Variants in FMN2 observed in about 807,000 individuals in gnomAD.
FMN2 encodes formin 2.
A neutral mutation model predicts 142.3 loss-of-function variants in FMN2; 51 were observed. The observed-to-expected ratio is 0.36, with a 90% confidence interval of 0.29 to 0.45. The LOEUF (loss-of-function observed/expected upper bound fraction) is 0.45, where lower values mean the gene tolerates loss of function less well. Among genes scored for constraint, FMN2 ranks in the 20% least tolerant of loss-of-function variants. FMN2 has a pLI of 1.00. For missense variants in FMN2, 1,936 were observed against 2,122.8 expected, an observed-to-expected ratio of 0.91 and a Z score of 1.73; for synonymous variants, 882 against 869.8, an observed-to-expected ratio of 1.01 and a Z score of -0.25.
chr1:240,245,430 G>A (rs1668043678), intron 6 of FMN2: 2 of 450,586 alleles, frequency 4.4e-6, no homozygotes, highest in African/African-American at 4.0e-5. Flanking sequence ...GGAAGCATCA[G>A]TGGAACTTGA....
At chr1:240,348,294 T>C (rs1159353811) in intron 13 of FMN2, among the ~76,000 whole-genome samples, 1 of 151,620 alleles carries the variant, frequency 6.6e-6, no homozygotes, top group Non-Finnish European at 1.5e-5. Flanking sequence ...TGGTCTCGGC[T>C]CACTGCAACC....
chr1:240,304,163 C>A (rs1670297098), intron 8 of FMN2, among the ~76,000 whole-genome samples: 1 of 152,102 alleles, frequency 6.6e-6, no homozygotes, highest in South Asian at 2.1e-4. Context: ...GCCATCAGGT[C>A]TTTTTCAGGG....
chr1:240,438,745 C>A (rs897654267), intron 16 of FMN2, among the ~76,000 whole-genome samples: 1 of 152,028 alleles, frequency 6.6e-6, no homozygotes, highest in African/African-American at 2.4e-5. Context: ...GGGAAATGTC[C>A]CCTCTTCAGT....
chr1:240,094,432 A>G (rs949121239), intron 1 of FMN2, among the ~76,000 whole-genome samples: 1 of 152,168 alleles, frequency 6.6e-6, no homozygotes, highest in Non-Finnish European at 1.5e-5. Flanking sequence ...GGAGACAGTG[A>G]AGGTGGAAAG....
At chr1:240,165,130 T>C (rs1664427941) in intron 2 of FMN2, among the ~76,000 whole-genome samples, 1 of 152,198 alleles carries the variant, frequency 6.6e-6, no homozygotes, top group Admixed American at 6.5e-5. Context: ...AGTTCTAGAA[T>C]TGCTCAGTTT....
At chr1:240,144,352 G>A in intron 2 of FMN2, 1 of 1,605,876 alleles carries the variant, frequency 6.2e-7, no homozygotes, top group Non-Finnish European at 8.5e-7. Context: ...CAGGCACCTT[G>A]GGCTCCATGA....
intron 17 of FMN2, among the ~76,000 whole-genome samples, chr1:240,472,943 C>CA (rs372290294): frequency 0.092 from 8,365 of 90,478 alleles, 398 homozygotes; most frequent in East Asian, 0.16. Flanking sequence ...GACTTTGTCT[C>CA]AAAAAAAAAA....
At chr1:240,456,128 C>T (rs1260641258) in intron 16 of FMN2, among the ~76,000 whole-genome samples, 2 of 152,092 alleles carry the variant, frequency 1.3e-5, no homozygotes, top group African/African-American at 4.8e-5. Context: ...ATGGAGTCTA[C>T]ACACTTTGGG....
intron 1 of FMN2, among the ~76,000 whole-genome samples, chr1:240,109,762 G>A (rs1352000622): frequency 6.6e-6 from 1 of 152,100 alleles, no homozygotes; most frequent in Admixed American, 6.5e-5. Context: ...CTGAGACACT[G>A]ACTCTCCCTG....
intron 4 of FMN2, among the ~76,000 whole-genome samples, chr1:240,196,802 G>T (rs1208968508): frequency 2.6e-5 from 4 of 152,148 alleles, no homozygotes; most frequent in African/African-American, 9.7e-5. Context: ...AAACCCTCTA[G>T]GCGATTCTGG....
At chr1:240,297,422 C>T (rs551315270) in intron 8 of FMN2, among the ~76,000 whole-genome samples, 15 of 151,504 alleles carry the variant, frequency 9.9e-5, no homozygotes, top group Non-Finnish European at 4.4e-5. Context: ...GGTGAAACCC[C>T]GTCTCTACTA....
chr1:240,384,936 A>T (rs1673361909), intron 14 of FMN2, among the ~76,000 whole-genome samples: 1 of 152,184 alleles, frequency 6.6e-6, no homozygotes, highest in Non-Finnish European at 1.5e-5. Flanking sequence ...AAACATCTAC[A>T]TGTATGATTA....
chr1:240,240,240 T>C (rs1467435534), intron 6 of FMN2, among the ~76,000 whole-genome samples: 1 of 152,248 alleles, frequency 6.6e-6, no homozygotes, highest in African/African-American at 2.4e-5. Context: ...GCCTGGCTCA[T>C]TTCCTAGCTC....
chr1:240,211,010 C>T (rs1666669869), intron 5 of FMN2, 81 bp from the exon 6 acceptor site: 3 of 1,345,766 alleles, frequency 2.2e-6, no homozygotes, highest in Non-Finnish European at 2.0e-6. Context: ...TTCCTCCCTC[C>T]CCTTCTTCCT....
At chr1:240,146,365 G>A (rs970051213) in intron 2 of FMN2, among the ~76,000 whole-genome samples, 7 of 132,280 alleles carry the variant, frequency 5.3e-5, no homozygotes, top group African/African-American at 2.1e-4. Flanking sequence ...CTGCACTCCA[G>A]CCTGGGCGAC....
intron 1 of FMN2, among the ~76,000 whole-genome samples, chr1:240,102,251 T>C (rs1412624321): frequency 6.6e-6 from 1 of 152,150 alleles, no homozygotes; most frequent in African/African-American, 2.4e-5. Context: ...AAAGTTCCAT[T>C]GGCCTTAAAC....
chr1:240,298,308 G>T (rs10802859), intron 8 of FMN2, among the ~76,000 whole-genome samples: 1 of 152,010 alleles, frequency 6.6e-6, no homozygotes, highest in Non-Finnish European at 1.5e-5. Context: ...GTCATTGTGC[G>T]TATTTTATAT....
intron 4 of FMN2, among the ~76,000 whole-genome samples, chr1:240,195,208 A>C (rs550132262): frequency 1.3e-5 from 2 of 152,342 alleles, no homozygotes; most frequent in South Asian, 4.1e-4. Flanking sequence ...ACACGCTCCA[A>C]GTGGCAAGAA....
At chr1:240,339,052 G>A (rs112087060) in intron 13 of FMN2, among the ~76,000 whole-genome samples, 20,611 of 152,076 alleles carry the variant, frequency 0.14, 1,564 homozygotes, top group African/African-American at 0.18. Flanking sequence ...GACAGGAGGC[G>A]GAGCTCAGGC....
Sources: allele counts gnomAD v4.1 joint callset (sites outside exome capture counted in the v4.1 genomes callset), GRCh38; gene constraint gnomAD v4.1.1; transcripts MANE v1.5; gene names NCBI Gene and HGNC (gene_info 2026-07-23, HGNC 2026-07-21).